Variants in BICC1 observed in about 807,000 individuals in gnomAD.
BICC1 encodes protein bicaudal C homolog 1.
A neutral mutation model predicts 111.0 loss-of-function variants in BICC1; 43 were observed. The observed-to-expected ratio is 0.39, with a 90% CI of 0.30 to 0.50. The LOEUF (loss-of-function observed/expected upper bound fraction) is 0.50, where lower values mean the gene tolerates loss of function less well. BICC1 is among the 20% of genes least tolerant of loss of function. BICC1 has a pLI of 0.88. For synonymous variants in BICC1, 467 were observed against 434.4 expected (o/e 1.07, Z -0.93); for missense variants, 1,091 against 1,203.2 (o/e 0.91, Z 1.38).
intron 3 of BICC1, among the ~76,000 whole-genome samples, chr10:58,777,834 T>G (rs959791907): frequency 6.6e-6 from 1 of 152,214 alleles, no homozygotes; most frequent in Non-Finnish European, 1.5e-5. Context: ...AATTAGGTTT[T>G]TGAATTTAAA....
At chr10:58,646,616 T>A (rs1432934411) in intron 2 of BICC1, among the ~76,000 whole-genome samples, 1 of 152,194 alleles carries the variant, frequency 6.6e-6, no homozygotes, top group East Asian at 1.9e-4. Context: ...AACATTTTGA[T>A]TGAGACTAGC....
chr10:58,789,580 T>C, intron 7 of BICC1, 102 bp from the exon 8 acceptor site: 1 of 1,528,152 alleles, frequency 6.5e-7, no homozygotes, highest in Non-Finnish European at 8.9e-7. Context: ...GTTTGCAGAA[T>C]ATGCTGTATT....
chr10:58,754,595 A>C (rs557801043), intron 3 of BICC1, among the ~76,000 whole-genome samples: 7 of 152,346 alleles, frequency 4.6e-5, no homozygotes, highest in Admixed American at 4.6e-4. Context: ...ACCTTTGCTC[A>C]GTACATGCCT....
intron 1 of BICC1, among the ~76,000 whole-genome samples, chr10:58,583,539 GC>G (rs1844340288): frequency 6.6e-6 from 1 of 151,408 alleles, no homozygotes; most frequent in Non-Finnish European, 1.5e-5. Flanking sequence ...TGCTGCTAAT[GC>G]CATTCTTTCT....
At chr10:58,601,216 A>G (rs1405389723) in intron 1 of BICC1, among the ~76,000 whole-genome samples, 2 of 144,880 alleles carry the variant, frequency 1.4e-5, no homozygotes, top group Non-Finnish European at 3.0e-5. Context: ...ATATAATCAT[A>G]CTCTTCCCTG....
At chr10:58,757,765 TAGAACCAG>T (rs567215858) in intron 3 of BICC1, among the ~76,000 whole-genome samples, 172 of 152,314 alleles carry the variant, frequency 1.1e-3, no homozygotes, top group African/African-American at 4.0e-3. Context: ...TAAACTGTGT[TAGAACCAG>T]AGATGCCATA....
intron 1 of BICC1, among the ~76,000 whole-genome samples, chr10:58,562,963 C>G (rs1407242685): frequency 6.6e-6 from 1 of 152,064 alleles, no homozygotes; most frequent in Non-Finnish European, 1.5e-5. Context: ...CAGGCTGACT[C>G]TCAGGTCCTT....
rs999266905 is a variant in BICC1 at position 58,796,336 on chromosome 10, A to G, written c.1180-4A>G. The G allele has an allele frequency of 3.1e-6, 5 of 1,611,840 alleles. No individual in the cohort carries two copies. The highest frequency in any genetic ancestry group is 3.3e-5 in the Admixed American group (2 of 59,828). On this transcript the variant is annotated splice_polypyrimidine_tract_variant and splice_region_variant and intron_variant, in intron 9 of 20. Transcript: ENST00000373886. ...CTTTTTTCCCCCATTATGTGTTTTC[A>G]TAGTCTGTGATTGTGAAAAGTGTTG... is the stretch of plus-strand genomic sequence containing the variant.
chr10:58,529,502 G>A (rs1842626632), intron 1 of BICC1, among the ~76,000 whole-genome samples: 1 of 151,848 alleles, frequency 6.6e-6, no homozygotes, highest in African/African-American at 2.4e-5. Flanking sequence ...TCTTTTGTTT[G>A]TTAAAAGCAT....
At chr10:58,813,706 T>C (rs535243031) in intron 17 of BICC1, 124 bp from the exon 18 acceptor site, 301 of 988,694 alleles carry the variant, frequency 3.0e-4, no homozygotes, top group Middle Eastern at 1.0e-3. Flanking sequence ...TCAACACTCA[T>C]GAGTAACTGC....
Position 58,798,403 on chromosome 10 carries a change from T to C in BICC1, c.1371T>C (p.Leu457=). 6.4e-7 allele frequency: 1 copy of C among 1,571,876 alleles called. No individual in the cohort carries two copies. The highest frequency in any genetic ancestry group is 2.3e-5 in the East Asian group (1 of 42,796). ...SAGLGLTGLG[L]LGPTTLSLNT... ...TTATATATTCATTTATTACAGGTCTTTTGGGACCCACCACCTTATCTCTGA... is the reference window on the plus strand; with the variant it reads ...TTATATATTCATTTATTACAGGTCTCTTGGGACCCACCACCTTATCTCTGA... Residue 457 remains leucine, a synonymous_variant, in exon 11 of 21, where the codon CTT becomes CTC. Transcript: ENST00000373886.
chr10:58,648,133 A>AGTAG, intron 2 of BICC1, among the ~76,000 whole-genome samples: 1 of 152,214 alleles, frequency 6.6e-6, no homozygotes, highest in Non-Finnish European at 1.5e-5. Flanking sequence ...TTGCTTTTCT[A>AGTAG]GCAGGCCATT....
At chr10:58,578,002 A>G (rs1844162200) in intron 1 of BICC1, among the ~76,000 whole-genome samples, 1 of 152,164 alleles carries the variant, frequency 6.6e-6, no homozygotes, top group Non-Finnish European at 1.5e-5. Flanking sequence ...GGCTGAAAGG[A>G]GATTTCATTG....
intron 1 of BICC1, among the ~76,000 whole-genome samples, chr10:58,573,635 G>C (rs887661951): frequency 6.6e-5 from 10 of 152,096 alleles, no homozygotes; most frequent in African/African-American, 2.4e-4. Context: ...AATGAATTCT[G>C]CCTCACATGC....
Position 58,601,140 on chromosome 10 carries a change from T to TAATATATATATATATATATATATA in BICC1, c.191-19715_191-19714insAATATATATATATATATATATATA, listed in dbSNP as rs1554810885. ...ACTTTTTAGGCAGTCATTTTAAAAC[T>TAATATATATATATATATATATATA]TATATATATATATATATATATATAT... On this transcript the variant is annotated intron_variant, in intron 1 of 20. Transcript: ENST00000373886. 2.4e-3 allele frequency among the ~76,000 whole-genome samples: 238 copies of TAATATATATATATATATATATATA among 100,574 alleles called. 27 individuals carry two copies. The highest frequency in any genetic ancestry group is 4.9e-3 in the East Asian group (18 of 3,662). The allele number at this position is 100,574 out of a possible 152,430, so 66.0% of individuals were successfully genotyped here.
At chr10:58,553,418 G>T (rs938091207) in intron 1 of BICC1, among the ~76,000 whole-genome samples, 2 of 152,140 alleles carry the variant, frequency 1.3e-5, no homozygotes, top group African/African-American at 2.4e-5. Context: ...AATGTCGGCA[G>T]CCTCTAGAAG....
intron 2 of BICC1, among the ~76,000 whole-genome samples, chr10:58,671,301 G>A (rs1341881367): frequency 6.6e-6 from 1 of 152,134 alleles, no homozygotes; most frequent in Non-Finnish European, 1.5e-5. Context: ...TCCAGGTCTG[G>A]TGTGGTGGCT....
chr10:58,790,942 A>C (rs1398209559), intron 8 of BICC1, among the ~76,000 whole-genome samples: 1 of 152,176 alleles, frequency 6.6e-6, no homozygotes, highest in Non-Finnish European at 1.5e-5. Context: ...TCAGTGCTTG[A>C]CCTTTAGTGG....
Position 58,708,703 on chromosome 10 carries a change from G to T in BICC1, c.307+6560G>T, listed in dbSNP as rs546469689. Among the ~76,000 whole-genome samples the T allele has an allele frequency of 2.6e-4, 25 of 94,962 alleles. No homozygotes were observed. The South Asian group carries it at 9.1e-3, about 35-fold the overall frequency. The allele number at this position is 94,962 out of a possible 152,430, so 62.3% of individuals were successfully genotyped here. On this transcript the variant is annotated intron_variant, in intron 3 of 20. Transcript: ENST00000373886. ...ACTATGCAAATGGGGTCTCTACTTG[G>T]CCTGTGCCATGTTGCCTGCTTACTT...
Sources: gnomAD v4.1 joint callset for allele counts (sites outside exome capture counted in the v4.1 genomes callset) on GRCh38, gnomAD v4.1.1 for gene constraint, MANE v1.5 for transcripts, NCBI Gene and HGNC (gene_info 2026-07-23, HGNC 2026-07-21) for gene names.